COA1: variants seen among roughly 807,000 people sequenced by gnomAD.
COA1 encodes cytochrome c oxidase assembly factor 1.
Under a neutral mutation model 16.0 loss-of-function variants are expected in COA1, and 13 were observed. The observed-to-expected ratio is 0.81, with a 90% CI of 0.53 to 1.29. COA1 has a LOEUF of 1.29. COA1 is among the 50% of genes most tolerant of loss of function. COA1 has a pLI of 0.00. For synonymous variants in COA1, 65 were observed against 65.7 expected (o/e 0.99, Z 0.05); for missense variants, 179 against 177.0 (o/e 1.01, Z -0.06).
intron 1 of COA1, among the ~76,000 whole-genome samples, chr7:43,709,840 A>G (rs534408004): frequency 2.0e-5 from 3 of 152,296 alleles, no homozygotes; most frequent in East Asian, 1.9e-4. Flanking sequence ...CACTTAAAAA[A>G]TATCATAAAG....
intron 1 of COA1, among the ~76,000 whole-genome samples, chr7:43,654,476 A>G (rs2091396847): frequency 6.6e-6 from 1 of 152,242 alleles, no homozygotes; most frequent in South Asian, 2.1e-4. Flanking sequence ...CTAAAGAAGG[A>G]AAGGGAAGAA....
downstream of COA1, among the ~76,000 whole-genome samples, chr7:43,638,060 G>A (rs2086202303): frequency 6.6e-6 from 1 of 152,088 alleles, no homozygotes; most frequent in Admixed American, 6.5e-5. Context: ...TGTAGAGATT[G>A]GAATATTTAT....
At chr7:43,682,312 C>G (rs1446335504) in intron 1 of COA1, among the ~76,000 whole-genome samples, 1 of 152,180 alleles carries the variant, frequency 6.6e-6, no homozygotes, top group Non-Finnish European at 1.5e-5. Context: ...TTGATCACTA[C>G]TTTTCTCAAT....
chr7:43,630,473 A>T (rs1297495252), intron 6 of COA1, among the ~76,000 whole-genome samples: 3 of 152,142 alleles, frequency 2.0e-5, no homozygotes, highest in African/African-American at 7.2e-5. Context: ...AATAAATTGT[A>T]AGAGAAGTAT....
chr7:43,650,767 T>C (rs1584419422), intron 1 of COA1: 1 of 151,316 alleles, frequency 6.6e-6, no homozygotes, highest in African/African-American at 2.4e-5. Context: ...CAAATGACTA[T>C]GTTTTATAAC....
At chr7:43,698,190 A>C (rs111626806) in intron 1 of COA1, among the ~76,000 whole-genome samples, 3 of 152,344 alleles carry the variant, frequency 2.0e-5, no homozygotes, top group African/African-American at 7.2e-5. Context: ...GGCATCATAG[A>C]CAATATGAAA....
chr7:43,710,348 CAAAAAA>C (rs1165121530), intron 1 of COA1, among the ~76,000 whole-genome samples: 10 of 52,436 alleles, frequency 1.9e-4, no homozygotes, highest in African/African-American at 2.9e-4. Context: ...GACTCTGTCT[CAAAAAA>C]AAAAAAAAAA....
At chr7:43,681,609 T>G (rs1252759556) in intron 1 of COA1, among the ~76,000 whole-genome samples, 4 of 152,176 alleles carry the variant, frequency 2.6e-5, no homozygotes, top group Admixed American at 6.5e-5. Flanking sequence ...TGCCCTTGAT[T>G]CCCATCACTA....
At chr7:43,683,375 G>C (rs2093859411) in intron 1 of COA1, among the ~76,000 whole-genome samples, 1 of 152,124 alleles carries the variant, frequency 6.6e-6, no homozygotes, top group African/African-American at 2.4e-5. Flanking sequence ...GCTCACGCCT[G>C]TAATCGCAGC....
At chr7:43,682,806 G>A (rs1488899960) in intron 1 of COA1, among the ~76,000 whole-genome samples, 4 of 152,084 alleles carry the variant, frequency 2.6e-5, no homozygotes, top group Admixed American at 1.3e-4. Flanking sequence ...TTATTTTGAG[G>A]AGACAGCCTA....
chr7:43,710,394 A>ATT (rs1268788403), intron 1 of COA1, among the ~76,000 whole-genome samples: 38 of 135,360 alleles, frequency 2.8e-4, no homozygotes, highest in African/African-American at 8.1e-4. Context: ...ATATATATAT[A>ATT]TTTTTAAGAT....
chr7:43,688,737 C>A (rs1368297983), intron 1 of COA1, among the ~76,000 whole-genome samples: 1 of 152,196 alleles, frequency 6.6e-6, no homozygotes, highest in African/African-American at 2.4e-5. Context: ...GCACCTTCCA[C>A]TTCCAGGCCC....
At chr7:43,628,361 T>A (rs911283644) in intron 6 of COA1, among the ~76,000 whole-genome samples, 3 of 152,212 alleles carry the variant, frequency 2.0e-5, no homozygotes, top group African/African-American at 7.2e-5. Flanking sequence ...TATCCTTCTG[T>A]TCATGGACCC....
chr7:43,643,692 G>C (rs1022190410), intron 4 of COA1, among the ~76,000 whole-genome samples: 1 of 152,230 alleles, frequency 6.6e-6, no homozygotes, highest in African/African-American at 2.4e-5. Flanking sequence ...GCTTCTCCAG[G>C]CCACACCTCT....
At chr7:43,696,586 C>A (rs1230428044) in intron 1 of COA1, among the ~76,000 whole-genome samples, 3 of 152,022 alleles carry the variant, frequency 2.0e-5, no homozygotes, top group Admixed American at 6.6e-5. Context: ...TTCAAAATCA[C>A]AAGGCTGAAC....
At chr7:43,610,602 G>A (rs183337749) in intron 6 of COA1, among the ~76,000 whole-genome samples, 4 of 152,194 alleles carry the variant, frequency 2.6e-5, no homozygotes, top group Admixed American at 2.6e-4. Context: ...GGGAGGTGGA[G>A]GTTGCAGTGA....
chr7:43,680,971 T>C (rs533717687), intron 1 of COA1, among the ~76,000 whole-genome samples: 1 of 152,276 alleles, frequency 6.6e-6, no homozygotes, highest in African/African-American at 2.4e-5. Context: ...ACCCTGTCTC[T>C]GGGGAGGGGG....
intron 1 of COA1, among the ~76,000 whole-genome samples, chr7:43,668,984 C>G (rs1311652830): frequency 8.5e-5 from 13 of 152,148 alleles, no homozygotes; most frequent in Admixed American, 8.5e-4. Flanking sequence ...ATACTCAATA[C>G]TATAACTTGA....
chr7:43,630,526 C>T (rs1243653785), intron 6 of COA1, among the ~76,000 whole-genome samples: 1 of 152,138 alleles, frequency 6.6e-6, no homozygotes, highest in Non-Finnish European at 1.5e-5. Context: ...GTTTAATCCT[C>T]AGCTGCAATT....
Sources: allele counts gnomAD v4.1 joint callset (sites outside exome capture counted in the v4.1 genomes callset), GRCh38; gene constraint gnomAD v4.1.1; transcripts MANE v1.5; gene names NCBI Gene and HGNC (gene_info 2026-07-23, HGNC 2026-07-21).